The following MKLN1 variants were observed in gnomAD, a reference collection of about 807,000 sequenced individuals.
MKLN1 encodes the protein muskelin 1, also known as muskelin.
In MKLN1, 18 loss-of-function variants were observed where a neutral mutation model predicts 99.0. That is an observed-to-expected ratio of 0.18 (90% confidence interval 0.13 to 0.27). The LOEUF is 0.27. Ranked by LOEUF, MKLN1 falls within the 10% of genes least tolerant of loss-of-function variation. The pLI, the probability that MKLN1 is intolerant of heterozygous loss-of-function variation, is 1.00. For synonymous variants in MKLN1, 288 were observed against 293.2 expected (o/e 0.98, Z 0.18); for missense variants, 621 against 875.9 (o/e 0.71, Z 3.67).
chr7:131,375,447 A>G lies in MKLN1; in HGVS notation c.122A>G (p.Asn41Ser). The G allele has an allele frequency of 6.2e-7, 1 of 1,611,732 alleles. No individual in the cohort carries two copies. ...AGGAACATTTTAGTGGACAAACCAA[A>G]TGACCAATCTTCAAGATGGTCTTCA... The part of the protein sequence containing the change: ...LPENILVDKP[N>S]DQSSRWSSES... Residue 41 changes from asparagine to serine, a missense_variant, in exon 2 of 18, where the codon AAT (asparagine) becomes AGT (serine). Transcript: ENST00000352689.
At position 131,489,902 on chromosome 7, in the gene MKLN1, C is replaced by T. The variant is rs867114851; in HGVS notation, c.*2174C>T. 3 of 151,988 alleles carry T rather than the reference C, an allele frequency of 2.0e-5. No individual in the cohort carries two copies. The highest frequency in any genetic ancestry group is 4.8e-5 in the African/African-American group (2 of 41,402). The allele number at this position is 151,988 out of a possible 1,614,324, so 9.4% of individuals were successfully genotyped here. A position where few individuals can be genotyped will look rare whatever the true frequency, so the allele number is the denominator to read the frequency against. On this transcript the variant is annotated 3_prime_UTR_variant, in exon 18 of 18. Coordinates refer to ENST00000352689, the MANE Select transcript of MKLN1 (RefSeq NM_013255.5). ...TTCATTTCTGAAATTTTTTGCTCAC[C>T]GCCATGTTTAAATGGGGTTGAATCA... is the stretch of plus-strand genomic sequence containing the variant.
chr7:131,393,023 A>G (rs1294975977), intron 4 of MKLN1, among the ~76,000 whole-genome samples: 1 of 151,912 alleles, frequency 6.6e-6, no homozygotes, highest in African/African-American at 2.4e-5. Flanking sequence ...CAGCCTCCCT[A>G]GTAGCACACC....
At chr7:131,259,638 A>T (rs948665756) in intron 3 of MKLN1, among the ~76,000 whole-genome samples, 3 of 152,192 alleles carry the variant, frequency 2.0e-5, no homozygotes, top group African/African-American at 7.2e-5. Context: ...TCTACATTAA[A>T]AATTTCCCCT....
At chr7:131,216,417 T>C (rs1274705041) in intron 3 of MKLN1, among the ~76,000 whole-genome samples, 2 of 124,008 alleles carry the variant, frequency 1.6e-5, no homozygotes, top group East Asian at 2.2e-4. Context: ...ACTGAGTCTC[T>C]GACTCAAAAA....
At chr7:131,328,032 C>T (rs1457443422) in intron 1 of MKLN1, 35 bp downstream of exon 1, 1 of 1,608,732 alleles carries the variant, frequency 6.2e-7, no homozygotes, top group Non-Finnish European at 8.5e-7. Context: ...GCTGCCCCAC[C>T]CTTCCGCGTC....
At chr7:131,224,269 G>A (rs1322024570) in intron 3 of MKLN1, among the ~76,000 whole-genome samples, 1 of 152,234 alleles carries the variant, frequency 6.6e-6, no homozygotes, top group African/African-American at 2.4e-5. Context: ...GCTGGGGCTG[G>A]GTGCGGTAGC....
At chr7:131,178,279 C>CTTTT (rs35412933) in intron 2 of MKLN1, among the ~76,000 whole-genome samples, 26 of 72,558 alleles carry the variant, frequency 3.6e-4, no homozygotes, top group Admixed American at 5.3e-4. Context: ...ACATGCCCGG[C>CTTTT]TTTTTTTTTT....
chr7:131,196,941 TC>T (rs1464505323), intron 2 of MKLN1, among the ~76,000 whole-genome samples: 1 of 152,162 alleles, frequency 6.6e-6, no homozygotes, highest in Non-Finnish European at 1.5e-5. Context: ...GAATCCCTGT[TC>T]CAAATGCCGT....
chr7:131,231,152 T>C (rs1004062733), intron 3 of MKLN1, among the ~76,000 whole-genome samples: 1 of 133,376 alleles, frequency 7.5e-6, no homozygotes, highest in African/African-American at 2.8e-5. Context: ...AGGTTTTAAA[T>C]CTGATGGGCC....
chr7:131,205,325 A>C (rs1238555840), intron 3 of MKLN1, among the ~76,000 whole-genome samples: 1 of 152,180 alleles, frequency 6.6e-6, no homozygotes, highest in Non-Finnish European at 1.5e-5. Flanking sequence ...GAAATAATGT[A>C]ATACATTTCT....
At chr7:131,291,100 AT>A (rs1554547690) in intron 3 of MKLN1, among the ~76,000 whole-genome samples, 2 of 111,174 alleles carry the variant, frequency 1.8e-5, no homozygotes, top group African/African-American at 4.0e-5. Flanking sequence ...ATCTCATTTT[AT>A]TTTATTTATT....
chr7:131,127,271 A>G (rs901542169), intron 1 of MKLN1, among the ~76,000 whole-genome samples: 2 of 152,096 alleles, frequency 1.3e-5, no homozygotes, highest in Non-Finnish European at 2.9e-5. Context: ...TCTACTTGGG[A>G]TCTTGGAAGT....
chr7:131,139,014 G>T (rs1427388844), intron 1 of MKLN1, among the ~76,000 whole-genome samples: 2 of 152,112 alleles, frequency 1.3e-5, no homozygotes, highest in African/African-American at 4.8e-5. Context: ...TCTTAGGATG[G>T]GGGACCTATT....
intron 3 of MKLN1, among the ~76,000 whole-genome samples, chr7:131,290,621 G>A (rs1047976096): frequency 6.6e-6 from 1 of 152,372 alleles, no homozygotes; most frequent in Non-Finnish European, 1.5e-5. Flanking sequence ...TATGGTGCAT[G>A]TGCAATGCCA....
intron 12 of MKLN1, among the ~76,000 whole-genome samples, chr7:131,458,864 C>T (rs951211854): frequency 6.6e-6 from 1 of 152,098 alleles, no homozygotes; most frequent in Non-Finnish European, 1.5e-5. Flanking sequence ...TGTATTCTAG[C>T]ATTCATTGTT....
At position 131,492,172 on chromosome 7, in the gene MKLN1, G is replaced by A. The variant is rs575656416; in HGVS notation, c.*4444G>A. ...GTACAGGTTTGATAGCAGAGTTCCTGAATTCAGCATATCATCAGAATTTCC... is the reference window on the plus strand; with the variant it reads ...GTACAGGTTTGATAGCAGAGTTCCTAAATTCAGCATATCATCAGAATTTCC... On this transcript the variant is annotated 3_prime_UTR_variant, in exon 18 of 18. Coordinates refer to ENST00000352689, the MANE Select transcript of MKLN1 (RefSeq NM_013255.5). The A allele has an allele frequency of 6.6e-5, 10 of 152,150 alleles. No individual in the cohort carries two copies. The highest frequency in any genetic ancestry group is 2.4e-4 in the African/African-American group (10 of 41,530). The allele number at this position is 152,150 out of a possible 1,614,324, so 9.4% of individuals were successfully genotyped here.
intron 3 of MKLN1, among the ~76,000 whole-genome samples, chr7:131,291,801 T>A (rs9986751): frequency 0.89 from 129,035 of 145,644 alleles, 57,183 homozygotes; most frequent in East Asian, 0.96. Flanking sequence ...CATTTAAATT[T>A]AAAAAAAAAA....
chr7:131,435,787 A>C (rs1795660475), intron 9 of MKLN1, among the ~76,000 whole-genome samples: 1 of 152,070 alleles, frequency 6.6e-6, no homozygotes, highest in Non-Finnish European at 1.5e-5. Context: ...CCCTTTGTAA[A>C]AAATTAGTCT....
upstream of MKLN1, chr7:131,327,644 A>G (rs1266695164): frequency 1.2e-5 from 6 of 491,436 alleles, no homozygotes; most frequent in African/African-American, 2.0e-5. Context: ...CCTTTGCGCC[A>G]TTCCCCTCCA....
Sources: gnomAD v4.1 joint callset for allele counts (sites outside exome capture counted in the v4.1 genomes callset) on GRCh38, gnomAD v4.1.1 for gene constraint, MANE v1.5 for transcripts, NCBI Gene and HGNC (gene_info 2026-07-23, HGNC 2026-07-21) for gene names.